GALM: variants seen among roughly 807,000 people sequenced by gnomAD.
GALM encodes aldose 1-epimerase.
In GALM, 43 loss-of-function variants were observed where a neutral mutation model predicts 37.4. That is an observed-to-expected ratio of 1.15 (90% CI 0.90 to 1.48). The LOEUF (loss-of-function observed/expected upper bound fraction) is 1.48. Among genes scored for constraint, GALM ranks in the 40% most tolerant of loss-of-function variants. The pLI, the probability that GALM is intolerant of heterozygous loss-of-function variation, is 0.00. For synonymous variants in GALM, 199 were observed against 170.6 expected (o/e 1.17, Z -1.30); for missense variants, 456 against 419.1 (o/e 1.09, Z -0.77).
At chr2:38,720,396 G>C (rs1387486431) in intron 4 of GALM, among the ~76,000 whole-genome samples, 1 of 130,226 alleles carries the variant, frequency 7.7e-6, no homozygotes, top group African/African-American at 3.0e-5. Flanking sequence ...GTATAATCAC[G>C]TGAAGGCACT....
intron 4 of GALM, among the ~76,000 whole-genome samples, chr2:38,723,541 C>A (rs1192670182): frequency 6.6e-6 from 1 of 152,190 alleles, no homozygotes; most frequent in Non-Finnish European, 1.5e-5. Context: ...GTAATCGTAG[C>A]ACTTTGGGAA....
chr2:38,719,495 C>T (rs1312104861), intron 4 of GALM, among the ~76,000 whole-genome samples: 1 of 147,936 alleles, frequency 6.8e-6, no homozygotes, highest in Non-Finnish European at 1.5e-5. Context: ...AGGATCCTGG[C>T]TGGGTGCAGT....
chr2:38,681,565 G>T, intron 3 of GALM, 79 bp downstream of exon 3: 1 of 1,243,790 alleles, frequency 8.0e-7, no homozygotes, highest in East Asian at 2.4e-5. Flanking sequence ...TCAGAGTAGT[G>T]TGGAATTGCT....
chr2:38,712,330 G>A (rs889239905), intron 4 of GALM, among the ~76,000 whole-genome samples: 1 of 152,194 alleles, frequency 6.6e-6, no homozygotes, highest in African/African-American at 2.4e-5. Flanking sequence ...ATCTCCTGAA[G>A]CTCCCTGAGC....
At chr2:38,695,424 G>T (rs1272226439) in intron 4 of GALM, among the ~76,000 whole-genome samples, 1 of 152,212 alleles carries the variant, frequency 6.6e-6, no homozygotes, top group Non-Finnish European at 1.5e-5. Context: ...AGTCCCTTAT[G>T]GTGGGTACTT....
chr2:38,672,013 A>C (rs28578699), intron 1 of GALM, among the ~76,000 whole-genome samples: 76,596 of 151,332 alleles, frequency 0.51, 20,249 homozygotes, highest in East Asian at 0.71. Flanking sequence ...AACAAAAAAA[A>C]CCCTGATAAT....
chr2:38,730,848 G>T (rs761396395), intron 5 of GALM, among the ~76,000 whole-genome samples: 2 of 151,844 alleles, frequency 1.3e-5, no homozygotes, highest in Admixed American at 6.6e-5. Context: ...TTGAACCCAG[G>T]GGGTGGAAGT....
chr2:38,717,422 CAG>C (rs1357249320), intron 4 of GALM, among the ~76,000 whole-genome samples: 6 of 151,460 alleles, frequency 4.0e-5, no homozygotes, highest in African/African-American at 1.5e-4. Context: ...CTTTTTGAGA[CAG>C]AGTCTCACTC....
intron 3 of GALM, among the ~76,000 whole-genome samples, chr2:38,688,425 C>A (rs1665593643): frequency 6.6e-6 from 1 of 151,878 alleles, no homozygotes; most frequent in Non-Finnish European, 1.5e-5. Flanking sequence ...GCAGGAGAAT[C>A]ACTTGAACCC....
At position 38,734,091 on chromosome 2, in the gene GALM, C is replaced by G. The variant is rs1485260974; in HGVS notation, c.*526C>G. 6.1e-6 allele frequency: 1 copy of G among 163,756 alleles called. No individual in the cohort carries two copies. Among genetic ancestry groups the G allele is most frequent in the Non-Finnish European group, 1.3e-5 (1 of 74,576 alleles). The allele number at this position is 163,756 out of a possible 1,614,324, so 10.1% of individuals were successfully genotyped here. On this transcript the variant is annotated 3_prime_UTR_variant, in exon 7 of 7. Coordinates refer to ENST00000272252, the MANE Select transcript of GALM (RefSeq NM_138801.3). Reference sequence around the variant, plus strand: ...ACTGAGGCTTACAGAGGTTGAAGACCAACAAGCTAATAAATAAAAAGTTGA... The same window carrying G: ...ACTGAGGCTTACAGAGGTTGAAGACGAACAAGCTAATAAATAAAAAGTTGA...
intron 5 of GALM, among the ~76,000 whole-genome samples, 190 bp downstream of exon 5, chr2:38,729,887 C>T (rs535726679): frequency 1.4e-4 from 22 of 152,160 alleles, no homozygotes; most frequent in Non-Finnish European, 1.2e-4. Context: ...AGTCCCCCAC[C>T]TGCCATTACC....
chr2:38,728,343 G>A (rs1231492453), intron 4 of GALM, among the ~76,000 whole-genome samples: 1 of 151,628 alleles, frequency 6.6e-6, no homozygotes, highest in Admixed American at 6.6e-5. Flanking sequence ...GCAGTGAGCT[G>A]AGATTGTGCC....
intron 1 of GALM, among the ~76,000 whole-genome samples, chr2:38,673,980 G>A: frequency 6.6e-6 from 1 of 152,082 alleles, no homozygotes; most frequent in Non-Finnish European, 1.5e-5. Flanking sequence ...ATGTGTGTTT[G>A]TGTATTTATA....
chr2:38,727,218 G>GA (rs397868719), intron 4 of GALM, among the ~76,000 whole-genome samples: 190 of 113,738 alleles, frequency 1.7e-3, no homozygotes, highest in Admixed American at 2.2e-3. Context: ...TCCGTCTCAA[G>GA]AAAAAAAAAA....
rs147712762 is a variant in GALM at position 38,709,640 on chromosome 2, T to C, written c.634+19746T>C. 9.4e-3 allele frequency among the ~76,000 whole-genome samples: 1,427 copies of C among 151,760 alleles called. 14 individuals are homozygous for C. Among genetic ancestry groups the C allele is most frequent in the Non-Finnish European group, 0.015 (1,018 of 67,960 alleles). On this transcript the variant is annotated intron_variant, in intron 4 of 6. Coordinates refer to ENST00000272252, the MANE Select transcript of GALM (RefSeq NM_138801.3). Reference sequence around the variant, plus strand: ...CCAGCAGAGGAAAGGGAAAAAAACCTGCAGCATAGACAAGCTTTGATGTTG... The same window carrying C: ...CCAGCAGAGGAAAGGGAAAAAAACCCGCAGCATAGACAAGCTTTGATGTTG...
rs1416775562 is a variant in GALM at position 38,690,196 on chromosome 2, G to T, written c.634+302G>T. Reference sequence around the variant, plus strand: ...TAAGATAATACTTTACTGGGGCTGGGCGCGGTGGCTCACGCCTGTAATCCC... The same window carrying T: ...TAAGATAATACTTTACTGGGGCTGGTCGCGGTGGCTCACGCCTGTAATCCC... On this transcript the variant is annotated intron_variant, in intron 4 of 6. Coordinates refer to ENST00000272252, the MANE Select transcript of GALM (RefSeq NM_138801.3). Among the ~76,000 whole-genome samples the T allele has an allele frequency of 2.6e-5, 4 of 152,178 alleles. No homozygotes were observed. The East Asian group carries it at 5.8e-4, about 22-fold the overall frequency.
intron 4 of GALM, among the ~76,000 whole-genome samples, chr2:38,707,375 C>A (rs1314572493): frequency 6.6e-6 from 1 of 152,092 alleles, no homozygotes; most frequent in Admixed American, 6.5e-5. Flanking sequence ...AGGAAACAAC[C>A]ACCAATATTT....
intron 4 of GALM, among the ~76,000 whole-genome samples, chr2:38,696,635 A>AT (rs998310769): frequency 3.3e-4 from 49 of 148,422 alleles, no homozygotes; most frequent in East Asian, 1.0e-3. Context: ...CTCAACATGG[A>AT]TTTTTTTTTC....
chr2:38,670,373 A>T (rs1558575420), intron 1 of GALM, among the ~76,000 whole-genome samples: 1 of 152,212 alleles, frequency 6.6e-6, no homozygotes, highest in East Asian at 1.9e-4. Context: ...TAGAAAAAGT[A>T]AATTTAGTGC....
Sources: allele counts gnomAD v4.1 joint callset (sites outside exome capture counted in the v4.1 genomes callset), GRCh38; gene constraint gnomAD v4.1.1; transcripts MANE v1.5; gene names NCBI Gene and HGNC (gene_info 2026-07-23, HGNC 2026-07-21).